The following LRMDA variants were observed in gnomAD, a reference collection of about 807,000 sequenced individuals.
LRMDA encodes the protein leucine-rich melanocyte differentiation-associated protein.
Under a neutral mutation model 29.8 loss-of-function variants are expected in LRMDA, and 18 were observed. That is an observed-to-expected ratio of 0.60 (90% CI 0.42 to 0.90). LRMDA has a LOEUF of 0.90. Ranked by LOEUF, LRMDA falls within the 40% of genes least tolerant of loss-of-function variation. LRMDA has a pLI of 0.00. For synonymous variants in LRMDA, 125 were observed against 109.4 expected (o/e 1.14, Z -0.89); for missense variants, 273 against 273.9 (o/e 1.00, Z 0.02).
At chr10:75,837,818 T>C (rs996569677) in intron 2 of LRMDA, among the ~76,000 whole-genome samples, 1 of 151,966 alleles carries the variant, frequency 6.6e-6, no homozygotes, top group Non-Finnish European at 1.5e-5. Flanking sequence ...ATCTGTGGAG[T>C]AGGACCTTAG....
At chr10:75,891,057 A>G (rs774184670) in intron 2 of LRMDA, among the ~76,000 whole-genome samples, 3 of 151,924 alleles carry the variant, frequency 2.0e-5, no homozygotes, top group African/African-American at 7.3e-5. Context: ...GTGAGCCAAG[A>G]TCGCACCACC....
At chr10:76,112,432 C>T (rs1295113565) in intron 5 of LRMDA, among the ~76,000 whole-genome samples, 1 of 152,248 alleles carries the variant, frequency 6.6e-6, no homozygotes, top group East Asian at 1.9e-4. Context: ...CACTCAGAGC[C>T]GCCTGATTAG....
Position 76,047,241 on chromosome 10 carries a change from C to T in LRMDA, c.336C>T (p.Asn112=), listed in dbSNP as rs199857233. 937 of 1,614,006 alleles carry T rather than the reference C, an allele frequency of 5.8e-4. 3 individuals carry two copies. Among genetic ancestry groups the T allele is most frequent in the Middle Eastern group, 5.1e-3 (31 of 6,060 alleles). The part of the protein sequence containing the change: ...PALEYLSLLG[N]VACPNELVSL... Reference sequence around the variant, plus strand: ...TGGAGTACCTCAGTCTGCTGGGCAACGTGGCCTGTCCCAACGAGCTGGTCA... The same window carrying T: ...TGGAGTACCTCAGTCTGCTGGGCAATGTGGCCTGTCCCAACGAGCTGGTCA... The change falls in exon 4 of 7, where the codon AAC becomes AAT. Residue 112 remains asparagine, a synonymous_variant. Transcript: ENST00000611255.
At chr10:75,567,040 A>G (rs1840381133) in intron 2 of LRMDA, among the ~76,000 whole-genome samples, 1 of 152,146 alleles carries the variant, frequency 6.6e-6, no homozygotes, top group Non-Finnish European at 1.5e-5. Flanking sequence ...CTCATTTACT[A>G]TTTATCAAGT....
At chr10:76,529,706 A>T (rs1047012049) in intron 6 of LRMDA, among the ~76,000 whole-genome samples, 1 of 152,108 alleles carries the variant, frequency 6.6e-6, no homozygotes, top group Non-Finnish European at 1.5e-5. Context: ...CGGGCTCCTG[A>T]ATTCTACTCT....
chr10:76,250,535 CGTTT>C (rs1852458172), intron 5 of LRMDA, among the ~76,000 whole-genome samples: 2 of 152,030 alleles, frequency 1.3e-5, no homozygotes, highest in African/African-American at 4.8e-5. Context: ...AAAGGGTATC[CGTTT>C]CTCATCATGA....
intron 6 of LRMDA, among the ~76,000 whole-genome samples, chr10:76,418,880 T>G (rs757441638): frequency 2.6e-5 from 4 of 152,076 alleles, no homozygotes; most frequent in Non-Finnish European, 4.4e-5. Context: ...TCTCCTTTAT[T>G]ATATTAATGT....
intron 2 of LRMDA, among the ~76,000 whole-genome samples, chr10:75,452,431 T>A (rs192604248): frequency 1.3e-5 from 2 of 152,160 alleles, no homozygotes; most frequent in Admixed American, 1.3e-4. Flanking sequence ...TGTTTTTTCT[T>A]GCAAATTTTA....
At chr10:75,532,056 G>GAAAAAAAAAAAAAAAAAAAAAA (rs60697116) in intron 2 of LRMDA, among the ~76,000 whole-genome samples, 1 of 95,386 alleles carries the variant, frequency 1.0e-5, no homozygotes. Context: ...AAGAAAGAAA[G>GAAAAAAAAAAAAAAAAAAAAAA]AAAAAAAAAA....
chr10:75,612,581 G>T (rs1391889813), intron 2 of LRMDA, among the ~76,000 whole-genome samples: 2 of 150,558 alleles, frequency 1.3e-5, no homozygotes, highest in African/African-American at 4.9e-5. Context: ...TTTATAAAAT[G>T]TTATTTTTGT....
At chr10:75,447,625 T>C (rs569918304) in intron 2 of LRMDA, among the ~76,000 whole-genome samples, 1 of 152,350 alleles carries the variant, frequency 6.6e-6, no homozygotes, top group South Asian at 2.1e-4. Context: ...ACAGTCTGAC[T>C]AGCTTGGGCG....
intron 2 of LRMDA, among the ~76,000 whole-genome samples, chr10:75,533,025 G>A (rs1445394066): frequency 6.6e-6 from 1 of 152,202 alleles, no homozygotes; most frequent in East Asian, 1.9e-4. Flanking sequence ...AGCCACGTTT[G>A]TGGAGTATGC....
chr10:75,472,179 C>A (rs1034900605), intron 2 of LRMDA, among the ~76,000 whole-genome samples: 1 of 152,182 alleles, frequency 6.6e-6, no homozygotes, highest in Non-Finnish European at 1.5e-5. Flanking sequence ...AGCCTCCAGT[C>A]CCTCTGCCAA....
At chr10:76,099,648 T>A (rs1030143899) in intron 5 of LRMDA, among the ~76,000 whole-genome samples, 3 of 152,180 alleles carry the variant, frequency 2.0e-5, no homozygotes, top group African/African-American at 7.2e-5. Flanking sequence ...TTACCTGTGT[T>A]CTTTAGACTT....
intron 1 of LRMDA, among the ~76,000 whole-genome samples, chr10:75,436,654 A>G (rs573754112): frequency 6.6e-6 from 1 of 152,146 alleles, no homozygotes; most frequent in South Asian, 2.1e-4. Flanking sequence ...TATTTTTAGT[A>G]GAGATGGGGT....
At chr10:75,941,752 G>A (rs1846396516) in intron 2 of LRMDA, among the ~76,000 whole-genome samples, 1 of 152,100 alleles carries the variant, frequency 6.6e-6, no homozygotes, top group Admixed American at 6.5e-5. Context: ...GTAAAGATTG[G>A]GGACTGATGA....
chr10:75,542,758 G>A (rs1454850865), intron 2 of LRMDA, among the ~76,000 whole-genome samples: 8 of 152,176 alleles, frequency 5.3e-5, no homozygotes, highest in African/African-American at 1.7e-4. Context: ...GACAGCCAGC[G>A]TCATGTCATA....
rs76615316 is a variant in LRMDA at position 76,078,938 on chromosome 10, T to G, written c.516+20155T>G. ...AGTTTCTACCCATTAACACCAAGCC[T>G]CAGTTTTTCCATTCTTCTTCCCACT... On this transcript the variant is annotated intron_variant, in intron 5 of 6. Transcript: ENST00000611255. Among the ~76,000 whole-genome samples, 299 of 152,340 alleles carry G rather than the reference T, an allele frequency of 2.0e-3. 5 individuals are homozygous for G. The highest frequency in any genetic ancestry group is 7.0e-3 in the African/African-American group (292 of 41,582).
chr10:76,043,948 G>C (rs1337176871), intron 3 of LRMDA, among the ~76,000 whole-genome samples: 1 of 152,234 alleles, frequency 6.6e-6, no homozygotes, highest in Non-Finnish European at 1.5e-5. Flanking sequence ...TCCATCTGCA[G>C]TAGAGAGGGC....
Sources: allele counts gnomAD v4.1 joint callset (sites outside exome capture counted in the v4.1 genomes callset), GRCh38; gene constraint gnomAD v4.1.1; transcripts MANE v1.5; gene names NCBI Gene and HGNC (gene_info 2026-07-23, HGNC 2026-07-21).